The following ADCY10 variants were observed in gnomAD, a reference collection of about 807,000 sequenced individuals.
ADCY10 encodes the protein adenylate cyclase type 10.
A neutral mutation model predicts 183.3 loss-of-function variants in ADCY10; 156 were observed. The ratio of observed to expected loss-of-function variants is 0.85; its 90% CI spans 0.75 to 0.97. ADCY10 has a LOEUF of 0.97. Among genes scored for constraint, ADCY10 ranks in the 50% least tolerant of loss-of-function variants. The probability of loss-of-function intolerance (pLI) is 0.00; values close to 1 mark genes in which losing one functional copy is unlikely to be tolerated. For synonymous variants in ADCY10, 645 were observed against 670.0 expected, an observed-to-expected ratio of 0.96 and a Z score of 0.58; for missense variants, 1,745 against 1,934.3, an observed-to-expected ratio of 0.90 and a Z score of 1.84.
intron 31 of ADCY10, among the ~76,000 whole-genome samples, chr1:167,815,103 C>A (rs549735140): frequency 1.3e-5 from 2 of 151,908 alleles, no homozygotes; most frequent in Admixed American, 6.6e-5. Context: ...CCAGCCTGGG[C>A]GACAGAGTGA....
rs532665502 is a variant in ADCY10 at position 167,879,948 on chromosome 1, A to G, written c.1216+167T>C. Reference sequence around the variant, plus strand: ...CTCATACATAGCCCCAGAAATGCACACTCTGCAAGCATTGAGGGCTCCATG... The same window carrying G: ...CTCATACATAGCCCCAGAAATGCACGCTCTGCAAGCATTGAGGGCTCCATG... On this transcript the variant is annotated intron_variant, in intron 11 of 32. Coordinates refer to ENST00000367851, the MANE Select transcript of ADCY10 (RefSeq NM_018417.6). Among the ~76,000 whole-genome samples, 5 of 152,192 alleles carry G rather than the reference A, an allele frequency of 3.3e-5. No homozygotes were observed. The East Asian group carries it at 9.6e-4, about 29-fold the overall frequency.
At chr1:167,872,881 C>T (rs1249770645) in intron 13 of ADCY10, among the ~76,000 whole-genome samples, 1 of 151,124 alleles carries the variant, frequency 6.6e-6, no homozygotes, top group Non-Finnish European at 1.5e-5. Flanking sequence ...ACCAGCCTGG[C>T]CAATATGGTG....
intron 27 of ADCY10, 24 bp from the exon 28 acceptor site, chr1:167,824,596 T>C (rs1476896070): frequency 1.9e-6 from 3 of 1,613,954 alleles, no homozygotes; most frequent in Non-Finnish European, 2.5e-6. Context: ...AATTCCAGTA[T>C]ATTGTGGGGC....
chr1:167,832,843 G>T (rs1198768676), intron 25 of ADCY10, 144 bp downstream of exon 25: 3 of 809,926 alleles, frequency 3.7e-6, no homozygotes, highest in East Asian at 2.6e-5. Flanking sequence ...TCCCACACTC[G>T]CCCCCTCCCC....
Position 167,837,296 on chromosome 1 carries a change from G to A in ADCY10, c.3030C>T (p.Ser1010=), listed in dbSNP as rs1184085288. 3.1e-6 allele frequency: 5 copies of A among 1,614,000 alleles called. No individual in the cohort carries two copies. Among genetic ancestry groups the A allele is most frequent in the Non-Finnish European group, 4.2e-6 (5 of 1,179,892 alleles). ...CAGATGTCTCAGGAATCTCTGAGTTGGACAAGATAAGCTTTTCTTCAGCTA... is the reference window on the plus strand; with the variant it reads ...CAGATGTCTCAGGAATCTCTGAGTTAGACAAGATAAGCTTTTCTTCAGCTA... The part of the protein sequence containing the change: ...GFKTEEKLIL[S]NSEIPETSAF... Residue 1010 remains serine (S), a synonymous_variant, in exon 22 of 33, where the codon TCC becomes TCT. Coordinates refer to ENST00000367851, the MANE Select transcript of ADCY10 (RefSeq NM_018417.6).
intron 21 of ADCY10, among the ~76,000 whole-genome samples, chr1:167,842,955 G>A (rs1664762383): frequency 6.6e-6 from 1 of 152,200 alleles, no homozygotes. Context: ...TGGGACGGTC[G>A]GCCATGGGAT....
intron 14 of ADCY10, among the ~76,000 whole-genome samples, chr1:167,862,117 C>T (rs2102058224): frequency 6.6e-6 from 1 of 152,338 alleles, no homozygotes; most frequent in South Asian, 2.1e-4. Context: ...CTCTCTCCTC[C>T]TCTTCTGTGA....
intron 8 of ADCY10, among the ~76,000 whole-genome samples, chr1:167,892,964 G>T (rs1421773471): frequency 6.6e-6 from 1 of 152,150 alleles, no homozygotes; most frequent in East Asian, 1.9e-4. Context: ...ATAAAATGAG[G>T]ATAAAAATAT....
intron 5 of ADCY10, among the ~76,000 whole-genome samples, chr1:167,900,637 A>G (rs903589063): frequency 6.6e-6 from 1 of 152,104 alleles, no homozygotes; most frequent in Non-Finnish European, 1.5e-5. Flanking sequence ...GGTTCAAGCA[A>G]TTCTCCTGCC....
At chr1:167,869,450 A>T (rs549259437) in intron 14 of ADCY10, among the ~76,000 whole-genome samples, 3 of 152,278 alleles carry the variant, frequency 2.0e-5, no homozygotes, top group East Asian at 1.9e-4. Context: ...AGACCCTCTC[A>T]TATTGTTTTA....
chr1:167,883,566 CACAAACACAA>C lies in ADCY10; in HGVS notation c.881_890del (p.Ile294ArgfsTer3). ...TGTCTTGGTCTTCAAACATCAGGTT[CACAAACACAA>C]TCGTCACTGGGCGAAGCTCAGATAA... On this transcript the variant is annotated frameshift_variant, in exon 9 of 33. Transcript: ENST00000367851. LOFTEE classifies it high-confidence loss of function. 1 of 1,614,232 alleles carries C rather than the reference CACAAACACAA, an allele frequency of 6.2e-7. No homozygotes were observed. Among genetic ancestry groups the C allele is most frequent in the Non-Finnish European group, 8.5e-7 (1 of 1,180,044 alleles).
intron 21 of ADCY10, among the ~76,000 whole-genome samples, chr1:167,841,495 T>A (rs767048214): frequency 1.1e-4 from 15 of 132,076 alleles, no homozygotes; most frequent in Non-Finnish European, 2.0e-4. Context: ...TTATACTATA[T>A]GCTTTCCTTT....
At chr1:167,843,560 C>A (rs1326677903) in intron 21 of ADCY10, among the ~76,000 whole-genome samples, 1 of 152,106 alleles carries the variant, frequency 6.6e-6, no homozygotes, top group Non-Finnish European at 1.5e-5. Flanking sequence ...TCCCCCTTAT[C>A]CCTGTCTCAT....
chr1:167,913,846 A>G (rs1398749219), intron 1 of ADCY10, 130 bp downstream of exon 1: 1 of 152,240 alleles, frequency 6.6e-6, no homozygotes, highest in Non-Finnish European at 1.5e-5. Flanking sequence ...AGAGGTATAC[A>G]CAAACTTGAA....
intron 16 of ADCY10, among the ~76,000 whole-genome samples, 179 bp downstream of exon 16, chr1:167,859,628 T>G (rs1020787517): frequency 2.0e-5 from 3 of 152,176 alleles, no homozygotes; most frequent in African/African-American, 7.2e-5. Flanking sequence ...ATCTAAATTC[T>G]AAACAGACCT....
At chr1:167,825,097 T>C (rs1322912008) in intron 26 of ADCY10, among the ~76,000 whole-genome samples, 1 of 152,226 alleles carries the variant, frequency 6.6e-6, no homozygotes, top group African/African-American at 2.4e-5. Context: ...TATAAAAATT[T>C]TAATTTCTGT....
At position 167,899,538 on chromosome 1, in the gene ADCY10, C is replaced by T. The variant is rs1375557111; in HGVS notation, c.527G>A (p.Arg176His). The T allele has an allele frequency of 3.1e-6, 5 of 1,614,224 alleles. No individual in the cohort carries two copies. In the African/African-American group the frequency reaches 4.0e-5, roughly 13 times the overall value. The change falls in exon 6 of 33, where the codon CGC becomes CAC. Residue 176 changes from arginine (R) to histidine (H), a missense_variant. Coordinates refer to ENST00000367851, the MANE Select transcript of ADCY10 (RefSeq NM_018417.6). Reference sequence around the variant, plus strand: ...CATCTGAGCCATGTTCTGGGCAAGGCGCACATCGTCCACTGCCTGACCAAT... The same window carrying T: ...CATCTGAGCCATGTTCTGGGCAAGGTGCACATCGTCCACTGCCTGACCAAT... The part of the protein sequence containing the change: ...LVIGQAVDDV[R>H]LAQNMAQMND...
chr1:167,817,152 T>A (rs1662580757), intron 31 of ADCY10, among the ~76,000 whole-genome samples: 1 of 152,050 alleles, frequency 6.6e-6, no homozygotes, highest in African/African-American at 2.4e-5. Flanking sequence ...TCACTTGAGG[T>A]CAAGAGTTCA....
At chr1:167,912,842 G>A (rs917745739) in intron 1 of ADCY10, among the ~76,000 whole-genome samples, 1 of 152,162 alleles carries the variant, frequency 6.6e-6, no homozygotes, top group Non-Finnish European at 1.5e-5. Flanking sequence ...TCCAAACAGC[G>A]CTATGAAGTA....
Sources: gnomAD v4.1 joint callset for allele counts (sites outside exome capture counted in the v4.1 genomes callset) on GRCh38, gnomAD v4.1.1 for gene constraint, MANE v1.5 for transcripts, NCBI Gene and HGNC (gene_info 2026-07-23, HGNC 2026-07-21) for gene names.